The following CPD variants were observed in gnomAD, a reference collection of about 807,000 sequenced individuals.
CPD encodes metallocarboxypeptidase D.
A neutral mutation model predicts 138.3 loss-of-function variants in CPD; 69 were observed. The ratio of observed to expected loss-of-function variants is 0.50; its 90% CI spans 0.41 to 0.61. The LOEUF is 0.61. CPD is among the 20% of genes least tolerant of loss of function. CPD has a pLI of 0.00. For missense variants in CPD, 1,432 were observed against 1,733.3 expected, an observed-to-expected ratio of 0.83 and a Z score of 3.09; for synonymous variants, 651 against 642.1, an observed-to-expected ratio of 1.01 and a Z score of -0.21.
Position 30,416,970 on chromosome 17 carries a change from C to T in CPD, c.995-3871C>T, listed in dbSNP as rs540310676. On this transcript the variant is annotated intron_variant, in intron 2 of 20. Transcript: ENST00000225719. ...ACAGAAAATTAGCTGGGTGTGGTGGCATGAGCCTGTAGTCCTAGGTACTCG... is the reference window on the plus strand; with the variant it reads ...ACAGAAAATTAGCTGGGTGTGGTGGTATGAGCCTGTAGTCCTAGGTACTCG... Among the ~76,000 whole-genome samples the T allele has an allele frequency of 2.0e-5, 3 of 152,036 alleles. No individual in the cohort carries two copies. In the East Asian group the frequency reaches 5.8e-4, roughly 29 times the overall value.
intron 13 of CPD, among the ~76,000 whole-genome samples, chr17:30,450,508 A>G (rs186155658): frequency 7.2e-5 from 11 of 152,296 alleles, no homozygotes; most frequent in African/African-American, 2.4e-4. Context: ...CTTGGCTGCT[A>G]AGAGATTTTA....
Position 30,379,622 on chromosome 17 carries a change from C to T in CPD, c.642C>T (p.Arg214=), listed in dbSNP as rs764508943. The T allele has an allele frequency of 6.7e-7, 1 of 1,486,520 alleles. No homozygotes were observed. Among genetic ancestry groups the T allele is most frequent in the South Asian group, 1.3e-5 (1 of 77,170 alleles). The allele number at this position is 1,486,520 out of a possible 1,614,324, so 92.1% of individuals were successfully genotyped here. The change falls in exon 1 of 21, where the codon CGC becomes CGT. Residue 214 remains arginine, a synonymous_variant. Transcript: ENST00000225719. This position sits in a 1 kb window ranked among gnomAD's most constrained non-coding sequence, Gnocchi z 7.0. ...GASGRDNSRG[R]DLNRSFPDQF... ...GCGGCCGCGACAATAGTCGCGGCCG[C>T]GACCTCAACCGAAGCTTTCCCGACC...
At position 30,450,900 on chromosome 17, in the gene CPD, C is replaced by T. The variant is rs575370293; in HGVS notation, c.3070-811C>T. 1.1e-3 allele frequency among the ~76,000 whole-genome samples: 161 copies of T among 152,044 alleles called. 2 individuals carry two copies. Among genetic ancestry groups the T allele is most frequent in the Non-Finnish European group, 3.7e-4 (25 of 67,984 alleles). ...AAACTTTGACCCAGAGGCTTGGGCA[C>T]GTATGATTAAGCATCCTAGTTGTAC... On this transcript the variant is annotated intron_variant, in intron 13 of 20. Transcript: ENST00000225719.
chr17:30,435,744 C>A (rs1285295902), intron 8 of CPD, among the ~76,000 whole-genome samples: 1 of 152,126 alleles, frequency 6.6e-6, no homozygotes, highest in Non-Finnish European at 1.5e-5. Flanking sequence ...TGGTCTAAGA[C>A]AACAGGAATT....
intron 7 of CPD, among the ~76,000 whole-genome samples, chr17:30,429,165 A>T (rs1207086344): frequency 6.6e-6 from 1 of 152,232 alleles, no homozygotes; most frequent in Non-Finnish European, 1.5e-5. Context: ...CTATGAAGTT[A>T]TACCCTGGTT....
intron 2 of CPD, among the ~76,000 whole-genome samples, chr17:30,401,462 CTCTTCT>C (rs557066211): frequency 2.8e-5 from 4 of 142,834 alleles, no homozygotes; most frequent in East Asian, 2.0e-4. Context: ...CTTCTTCTTC[CTCTTCT>C]TCTTCTTCTT....
intron 2 of CPD, among the ~76,000 whole-genome samples, chr17:30,388,513 G>T (rs772054889): frequency 1.3e-5 from 2 of 152,188 alleles, no homozygotes; most frequent in African/African-American, 4.8e-5. Context: ...GTACCCCTCC[G>T]GGCAGTGACA....
chr17:30,443,684 A>G (rs1025685116), intron 10 of CPD, 118 bp from the exon 11 acceptor site: 1 of 1,035,496 alleles, frequency 9.7e-7, no homozygotes, highest in East Asian at 2.5e-5. Flanking sequence ...CTGAACTCCT[A>G]AATTCCTGTT....
chr17:30,462,250 G>T, intron 19 of CPD, 120 bp from the exon 20 acceptor site: 1 of 1,053,776 alleles, frequency 9.5e-7, no homozygotes, highest in Non-Finnish European at 1.4e-6. Flanking sequence ...CTAGCATTTT[G>T]TATACTTTAG....
intron 11 of CPD, among the ~76,000 whole-genome samples, chr17:30,445,237 G>T (rs1912994230): frequency 6.6e-6 from 1 of 152,154 alleles, no homozygotes; most frequent in African/African-American, 2.4e-5. Context: ...GGCAGAGGCA[G>T]GTGGATCACT....
rs1912324305 is a variant in CPD at position 30,423,552 on chromosome 17, G to A, written c.1704G>A (p.Val568=). The A allele has an allele frequency of 6.2e-7, 1 of 1,606,690 alleles. No individual in the cohort carries two copies. Among genetic ancestry groups the A allele is most frequent in the South Asian group, 1.1e-5 (1 of 89,582 alleles). ...TTGGAAATATGCATGGAAATGAAGT[G>A]GTTGGAAGAGAACTGCTGTTGAACC... The part of the protein sequence containing the change: ...KYIGNMHGNE[V]VGRELLLNLI... Residue 568 remains valine, a synonymous_variant, in exon 6 of 21, where the codon GTG becomes GTA. Coordinates refer to ENST00000225719, the MANE Select transcript of CPD (RefSeq NM_001304.5).
At chr17:30,431,174 A>G (rs1912553810) in intron 7 of CPD, among the ~76,000 whole-genome samples, 1 of 152,244 alleles carries the variant, frequency 6.6e-6, no homozygotes. Flanking sequence ...GGTGAGAAGT[A>G]GGACCTCATT....
chr17:30,420,621 A>C (rs1419325622), intron 2 of CPD, among the ~76,000 whole-genome samples: 1 of 152,168 alleles, frequency 6.6e-6, no homozygotes, highest in African/African-American at 2.4e-5. Flanking sequence ...CCTATTAATT[A>C]AATGTATTTT....
chr17:30,389,202 C>T (rs920099436), intron 2 of CPD, among the ~76,000 whole-genome samples: 2 of 152,134 alleles, frequency 1.3e-5, no homozygotes, highest in African/African-American at 4.8e-5. Context: ...GGTGGCTGTC[C>T]GCCTCCTTCC....
rs780438427 is a variant in CPD, at chr17:30,449,703, A to G, written c.3024A>G (p.Ala1008=). The change falls in exon 13 of 21, where the codon GCA becomes GCG. Residue 1008 remains alanine, a synonymous_variant. Transcript: ENST00000225719. The part of the protein sequence containing the change: ...PVGTELLLAL[A]EFLCLNYKKN... ...GAACTGAACTGCTTTTGGCTCTGGC[A>G]GAATTTCTCTGCCTGAACTACAAAA... 3 of 1,588,438 alleles carry G rather than the reference A, an allele frequency of 1.9e-6. No individual in the cohort carries two copies. The highest frequency in any genetic ancestry group is 1.2e-5 in the South Asian group (1 of 85,724).
rs1183426238 is a variant in CPD, at chr17:30,379,872, C to T, written c.746+146C>T. The T allele has an allele frequency of 1.9e-6, 1 of 529,082 alleles. No homozygotes were observed. The allele number at this position is 529,082 out of a possible 1,614,324, so 32.8% of individuals were successfully genotyped here. A position where few individuals can be genotyped will look rare whatever the true frequency, so the allele number is the denominator to read the frequency against. ...AGACACCCTGTAACGGGGACAGGGC[C>T]CAGGCCGCGTAGCCTCCCGTCCTGC... On this transcript the variant is annotated intron_variant, in intron 1 of 20. Transcript: ENST00000225719. The surrounding 1 kb of genome is among the most constrained non-coding windows in gnomAD (Gnocchi z 7.0).
chr17:30,403,673 T>A (rs1911734047), intron 2 of CPD, among the ~76,000 whole-genome samples: 1 of 152,190 alleles, frequency 6.6e-6, no homozygotes. Context: ...GCAGAATAAC[T>A]AAAACATGGA....
chr17:30,422,380 A>G (rs1649623485), intron 4 of CPD, among the ~76,000 whole-genome samples: 2 of 152,196 alleles, frequency 1.3e-5, no homozygotes, highest in Admixed American at 1.3e-4. Flanking sequence ...AGTGGTTACA[A>G]TGGAGTAACA....
At chr17:30,393,821 A>G (rs1911420911) in intron 2 of CPD, among the ~76,000 whole-genome samples, 1 of 152,174 alleles carries the variant, frequency 6.6e-6, no homozygotes, top group South Asian at 2.1e-4. Context: ...AAGATTATAT[A>G]TTAAAAACTA....
Sources: gnomAD v4.1 joint callset for allele counts (sites outside exome capture counted in the v4.1 genomes callset) on GRCh38, gnomAD v4.1.1 for gene constraint, Gnocchi (gnomAD v3.1) non-coding constraint, MANE v1.5 for transcripts, NCBI Gene and HGNC (gene_info 2026-07-23, HGNC 2026-07-21) for gene names.